CFAP47: variants seen among roughly 807,000 people sequenced by gnomAD.
CFAP47 encodes cilia and flagella associated protein 47.
Under a neutral mutation model 148.1 loss-of-function variants are expected in CFAP47, and 29 were observed. The observed-to-expected ratio is 0.20, with a 90% CI of 0.15 to 0.27. CFAP47 has a LOEUF of 0.27. CFAP47 is among the 10% of genes least tolerant of loss of function. The probability of loss-of-function intolerance (pLI) is 1.00; values close to 1 mark genes in which losing one functional copy is unlikely to be tolerated. For missense variants in CFAP47, 1,872 were observed against 1,697.5 expected (o/e 1.10, Z -1.81); for synonymous variants, 664 against 577.3 (o/e 1.15, Z -2.15).
At chrX:36,252,421 A>G (rs1388572309) in intron 49 of CFAP47, among the ~76,000 whole-genome samples, 1 of 110,504 alleles carries the variant, frequency 9.0e-6, no homozygotes, top group African/African-American at 3.3e-5. Flanking sequence ...TACCACTGTA[A>G]TAGAATTTAT....
At chrX:36,283,527 A>C (rs1231876011) in intron 50 of CFAP47, among the ~76,000 whole-genome samples, 2 of 112,035 alleles carry the variant, frequency 1.8e-5, no homozygotes, top group African/African-American at 6.5e-5. Flanking sequence ...AATGTTTCTG[A>C]GAAAGTGTTT....
At chrX:36,288,977 C>T (rs1181581351) in intron 51 of CFAP47, among the ~76,000 whole-genome samples, 1 of 87,702 alleles carries the variant, frequency 1.1e-5, no homozygotes, top group Non-Finnish European at 2.3e-5. Context: ...TTACTGTTTT[C>T]AATGTATTTT....
chrX:36,011,021 T>G (rs1004321626), intron 21 of CFAP47, among the ~76,000 whole-genome samples: 2 of 111,974 alleles, frequency 1.8e-5, no homozygotes, highest in Non-Finnish European at 3.8e-5. Flanking sequence ...TCCTCCTTTC[T>G]CTGGGTTTAC....
At chrX:36,089,106 G>A (rs1305532574) in intron 30 of CFAP47, among the ~76,000 whole-genome samples, 3 of 111,748 alleles carry the variant, frequency 2.7e-5, no homozygotes, top group Non-Finnish European at 5.6e-5. Flanking sequence ...GGTGGCTCAC[G>A]CGTATAATCC....
intron 39 of CFAP47, among the ~76,000 whole-genome samples, chrX:36,166,230 G>A (rs1286704073): frequency 9.2e-6 from 1 of 108,341 alleles, no homozygotes; most frequent in East Asian, 2.9e-4. Flanking sequence ...TAATTTCATT[G>A]CCCACATTTT....
Position 35,966,592 on chromosome X carries a change from C to T in CFAP47, c.1438C>T (p.Gln480Ter). ...TGTGATGTGTTCATTTGTTCCACAT[C>T]AACTTGGAGTCTTCAAAGTGAAGCA... is the stretch of plus-strand genomic sequence containing the variant. Reference protein sequence around the residue: ...VDVMCSFVPHQLGVFKVKQMI... With the variant: ...VDVMCSFVPH The change falls in exon 9 of 64, where the codon CAA (glutamine) becomes TAA (stop). Residue 480 changes from glutamine to a stop codon, truncating the protein, a stop_gained. Transcript: ENST00000378653. LOFTEE classifies it high-confidence loss of function. 9.2e-7 allele frequency: 1 copy of T among 1,086,633 alleles called. No individual in the cohort carries two copies. The allele number at this position is 1,086,633 out of a possible 1,213,427, so 89.6% of individuals were successfully genotyped here.
At position 36,298,982 on chromosome X, in the gene CFAP47, C is replaced by T; in HGVS notation, c.7692C>T (p.Ser2564=). ...IMEMTCIALD[S]TCIEIPLSNP... ...TATTTGTTGTATAATTCTAGGACAG[C>T]ACTTGCATTGAAATACCTCTCTCTA... The change falls in exon 52 of 64, where the codon AGC becomes AGT. Residue 2564 remains serine, a synonymous_variant. Transcript: ENST00000378653. 8.8e-7 allele frequency: 1 copy of T among 1,142,229 alleles called. No individual in the cohort carries two copies. The highest frequency in any genetic ancestry group is 2.4e-4 in the Middle Eastern group (1 of 4,131). The allele number at this position is 1,142,229 out of a possible 1,213,427, so 94.1% of individuals were successfully genotyped here.
intron 57 of CFAP47, among the ~76,000 whole-genome samples, chrX:36,340,182 G>A (rs1415599382): frequency 9.0e-6 from 1 of 111,530 alleles, no homozygotes; most frequent in African/African-American, 3.3e-5. Context: ...GGGAGTATAG[G>A]TAGGAAAGGG....
chrX:36,375,747 T>G (rs1556022805), intron 62 of CFAP47, among the ~76,000 whole-genome samples: 1 of 112,360 alleles, frequency 8.9e-6, no homozygotes, highest in East Asian at 2.8e-4. Flanking sequence ...AAATAAAAAC[T>G]TTCACCTTTA....
intron 63 of CFAP47, among the ~76,000 whole-genome samples, chrX:36,384,440 G>GT (rs1556024749): frequency 8.9e-6 from 1 of 111,964 alleles, no homozygotes; most frequent in Non-Finnish European, 1.9e-5. Context: ...CATTTCTATG[G>GT]TTACACTTAA....
rs1555991872 is a variant in CFAP47, at chrX:36,228,656, G to A, written c.6846G>A (p.Leu2282=). 1.9e-6 allele frequency: 1 copy of A among 524,246 alleles called. No homozygotes were observed. The highest frequency in any genetic ancestry group is 2.5e-5 in the South Asian group (1 of 40,590). 43.2% of individuals were successfully genotyped at this position (524,246 alleles called of 1,213,427 possible). Residue 2282 remains leucine (L), a synonymous_variant, in exon 46 of 64, where the codon TTG becomes TTA. Coordinates refer to ENST00000378653, the MANE Select transcript of CFAP47 (RefSeq NM_001304548.2). ...CAGATGGATCTGTTCCACTTCCTTT[G>A]CAATTTCTTCCTCTCCAATCTGGAC... ...KASDGSVPLP[L]QFLPLQSGRY...
intron 36 of CFAP47, among the ~76,000 whole-genome samples, chrX:36,147,019 G>C (rs1465748090): frequency 2.7e-5 from 3 of 110,591 alleles, no homozygotes; most frequent in Non-Finnish European, 5.7e-5. Context: ...CTGACCTCAG[G>C]TGATCCACCC....
intron 46 of CFAP47, among the ~76,000 whole-genome samples, chrX:36,234,429 C>G (rs1940422492): frequency 8.9e-6 from 1 of 112,347 alleles, no homozygotes; most frequent in East Asian, 2.8e-4. Flanking sequence ...CTTCTCCATT[C>G]TTCACGTAGT....
At chrX:36,320,271 CAT>C (rs1487763514) in intron 57 of CFAP47, among the ~76,000 whole-genome samples, 1 of 111,938 alleles carries the variant, frequency 8.9e-6, no homozygotes, top group Admixed American at 9.5e-5. Flanking sequence ...AAATATAAAA[CAT>C]AATTGTTTTG....
At position 35,988,594 on chromosome X, in the gene CFAP47, T is replaced by A. The variant is rs746006056; in HGVS notation, c.2714-725T>A. ...GTTCCAAGGCAAAGTTTTCTTGTGA[T>A]GGTAATTGATTTCTTTCATTCCGTA... On this transcript the variant is annotated intron_variant, in intron 15 of 63. Transcript: ENST00000378653. 1.4e-4 allele frequency among the ~76,000 whole-genome samples: 16 copies of A among 112,045 alleles called. No individual in the cohort carries two copies. In the East Asian group the frequency reaches 3.9e-3, roughly 28 times the overall value.
chrX:36,118,350 T>G (rs2146810183), intron 33 of CFAP47, among the ~76,000 whole-genome samples: 1 of 112,076 alleles, frequency 8.9e-6, no homozygotes, highest in African/African-American at 3.2e-5. Context: ...ATTTAAAAGA[T>G]ATTTATTTCC....
intron 52 of CFAP47, among the ~76,000 whole-genome samples, chrX:36,300,422 C>T (rs1053423881): frequency 4.5e-5 from 5 of 109,910 alleles, no homozygotes; most frequent in East Asian, 5.8e-4. Flanking sequence ...CCCAAATAGC[C>T]GGGATTACAG....
At chrX:36,307,085 A>G (rs1461593648) in intron 55 of CFAP47, among the ~76,000 whole-genome samples, 1 of 111,273 alleles carries the variant, frequency 9.0e-6, no homozygotes, top group East Asian at 2.8e-4. Flanking sequence ...AGATCAGTGG[A>G]ATAAAGACAA....
At chrX:36,251,648 G>A (rs1555998267) in intron 49 of CFAP47, among the ~76,000 whole-genome samples, 1 of 111,014 alleles carries the variant, frequency 9.0e-6, no homozygotes, top group Non-Finnish European at 1.9e-5. Flanking sequence ...TATTATCTTG[G>A]CCATTTATTC....
Sources: gnomAD v4.1 joint callset for allele counts (sites outside exome capture counted in the v4.1 genomes callset) on GRCh38, gnomAD v4.1.1 for gene constraint, MANE v1.5 for transcripts, NCBI Gene and HGNC (gene_info 2026-07-23, HGNC 2026-07-21) for gene names.